Variants in RUNDC3B observed in about 807,000 individuals in gnomAD.
The protein encoded by RUNDC3B is RUN domain-containing protein 3B.
Under a neutral mutation model 58.4 loss-of-function variants are expected in RUNDC3B, and 33 were observed. The observed-to-expected ratio is 0.56, with a 90% CI of 0.43 to 0.75. The LOEUF is 0.75. Ranked by LOEUF, RUNDC3B falls within the 30% of genes least tolerant of loss-of-function variation. The pLI is 0.00. For synonymous variants in RUNDC3B, 193 were observed against 195.2 expected (o/e 0.99, Z 0.10); for missense variants, 501 against 535.7 (o/e 0.94, Z 0.64).
intron 2 of RUNDC3B, among the ~76,000 whole-genome samples, chr7:87,665,194 A>G (rs1189185492): frequency 6.6e-6 from 1 of 152,182 alleles, no homozygotes; most frequent in Admixed American, 6.6e-5. Context: ...TTACATGTAT[A>G]AGAACCTAAA....
intron 1 of RUNDC3B, among the ~76,000 whole-genome samples, chr7:87,643,834 C>T (rs777497035): frequency 2.0e-5 from 3 of 150,702 alleles, no homozygotes; most frequent in African/African-American, 4.9e-5. Flanking sequence ...GCCAAGAATT[C>T]GCAAGTTGCA....
At chr7:87,724,910 A>AT (rs907470328) in intron 4 of RUNDC3B, among the ~76,000 whole-genome samples, 6 of 151,926 alleles carry the variant, frequency 3.9e-5, no homozygotes, top group African/African-American at 1.4e-4. Flanking sequence ...TTTTTGAGTG[A>AT]TTTTTTGAAA....
chr7:87,759,632 AC>A (rs1047542592), intron 6 of RUNDC3B, among the ~76,000 whole-genome samples: 4 of 152,004 alleles, frequency 2.6e-5, no homozygotes, highest in African/African-American at 9.7e-5. Context: ...CTCTGTGACT[AC>A]AAAAAAAATT....
chr7:87,774,650 A>G (rs1048342413), intron 7 of RUNDC3B, among the ~76,000 whole-genome samples: 3 of 152,202 alleles, frequency 2.0e-5, no homozygotes, highest in South Asian at 2.1e-4. Flanking sequence ...AAACTGATAT[A>G]TAGCCATTTA....
chr7:87,678,368 G>T (rs1826586175), intron 2 of RUNDC3B, among the ~76,000 whole-genome samples: 1 of 152,024 alleles, frequency 6.6e-6, no homozygotes, highest in South Asian at 2.1e-4. Flanking sequence ...GGAACTATGT[G>T]GTTATATATA....
At chr7:87,708,485 G>T (rs1829798552) in intron 3 of RUNDC3B, among the ~76,000 whole-genome samples, 1 of 152,110 alleles carries the variant, frequency 6.6e-6, no homozygotes, top group South Asian at 2.1e-4. Context: ...TTTTGCTAAA[G>T]AAATGTAATC....
At chr7:87,705,372 G>A (rs1585154550) in intron 3 of RUNDC3B, among the ~76,000 whole-genome samples, 1 of 152,190 alleles carries the variant, frequency 6.6e-6, no homozygotes, top group East Asian at 1.9e-4. Flanking sequence ...GTTGCAGTGA[G>A]CCGAGATCAT....
At chr7:87,676,145 T>G (rs564642515) in intron 2 of RUNDC3B, among the ~76,000 whole-genome samples, 45 of 152,258 alleles carry the variant, frequency 3.0e-4, no homozygotes, top group Non-Finnish European at 5.4e-4. Context: ...GAGGGTTGGT[T>G]GAACCCAGGA....
intron 10 of RUNDC3B, among the ~76,000 whole-genome samples, chr7:87,829,306 T>C (rs1838007130): frequency 6.6e-6 from 1 of 152,194 alleles, no homozygotes; most frequent in Non-Finnish European, 1.5e-5. Flanking sequence ...GTGCAGAAGC[T>C]CTTTAGTTTA....
At chr7:87,721,199 A>G (rs1014933374) in intron 4 of RUNDC3B, among the ~76,000 whole-genome samples, 2 of 151,710 alleles carry the variant, frequency 1.3e-5, no homozygotes, top group African/African-American at 4.8e-5. Flanking sequence ...ATAAAAGTAT[A>G]AAAAAACTAT....
chr7:87,628,960 G>A lies in RUNDC3B; in HGVS notation c.122+15G>A, dbSNP rs760037420. ...ACCGTGTGCAGGTACGGCAGCGCAG[G>A]GCGAGGGGAACCAGCCTCCCGCCGG... On this transcript the variant is annotated intron_variant, in intron 1 of 10. Transcript: ENST00000394654. The A allele has an allele frequency of 4.2e-5, 55 of 1,308,382 alleles. No homozygotes were observed. Among genetic ancestry groups the A allele is most frequent in the Non-Finnish European group, 5.3e-5 (54 of 1,020,084 alleles). 81.0% of individuals were successfully genotyped at this position (1,308,382 alleles called of 1,614,324 possible). A position where few individuals can be genotyped will look rare whatever the true frequency, so the allele number is the denominator to read the frequency against.
chr7:87,756,057 A>G (rs1041414047), intron 6 of RUNDC3B, among the ~76,000 whole-genome samples: 1 of 152,152 alleles, frequency 6.6e-6, no homozygotes, highest in African/African-American at 2.4e-5. Flanking sequence ...GATGCGGGGC[A>G]GGGCAGGGCA....
intron 3 of RUNDC3B, among the ~76,000 whole-genome samples, chr7:87,703,658 T>C (rs1192766499): frequency 6.6e-6 from 1 of 151,872 alleles, no homozygotes; most frequent in East Asian, 1.9e-4. Flanking sequence ...AAATTAATTA[T>C]AGATTTTCTT....
At chr7:87,800,438 GA>G (rs1836081625) in intron 8 of RUNDC3B, among the ~76,000 whole-genome samples, 1 of 152,122 alleles carries the variant, frequency 6.6e-6, no homozygotes, top group Non-Finnish European at 1.5e-5. Flanking sequence ...TGGCTGTTGT[GA>G]ATAGTGCTAC....
intron 8 of RUNDC3B, among the ~76,000 whole-genome samples, chr7:87,781,427 GAA>G (rs1834914176): frequency 6.6e-6 from 1 of 151,986 alleles, no homozygotes; most frequent in Non-Finnish European, 1.5e-5. Flanking sequence ...ATATCATCAG[GAA>G]AGAGAGACAA....
chr7:87,740,353 A>G (rs1832246248), intron 5 of RUNDC3B, among the ~76,000 whole-genome samples: 1 of 152,102 alleles, frequency 6.6e-6, no homozygotes, highest in Non-Finnish European at 1.5e-5. Context: ...AAAAATTGTT[A>G]AAATTTACTT....
intron 2 of RUNDC3B, among the ~76,000 whole-genome samples, chr7:87,670,874 A>G (rs1172453082): frequency 6.6e-6 from 1 of 152,098 alleles, no homozygotes; most frequent in African/African-American, 2.4e-5. Context: ...GTTCTCTGTC[A>G]ATGTTCTGAA....
At chr7:87,748,589 A>G (rs191464226) in intron 6 of RUNDC3B, among the ~76,000 whole-genome samples, 11 of 152,328 alleles carry the variant, frequency 7.2e-5, no homozygotes, top group Non-Finnish European at 5.9e-5. Context: ...TAAAATATGT[A>G]TATATGTCAC....
At chr7:87,816,029 TG>T (rs1284322993) in intron 9 of RUNDC3B, 111 bp from the exon 10 acceptor site, 2 of 723,052 alleles carry the variant, frequency 2.8e-6, no homozygotes, top group Non-Finnish European at 4.6e-6. Flanking sequence ...GGAGAAATGC[TG>T]GGGAGAATTT....
Sources: allele counts gnomAD v4.1 joint callset (sites outside exome capture counted in the v4.1 genomes callset), GRCh38; gene constraint gnomAD v4.1.1; transcripts MANE v1.5; gene names NCBI Gene and HGNC (gene_info 2026-07-23, HGNC 2026-07-21).